The following RCAN1 variants were observed in gnomAD, a reference collection of about 807,000 sequenced individuals.
RCAN1 encodes calcipressin-1.
RCAN1 carries 11 observed loss-of-function variants against 22.9 expected under a neutral mutation model. The ratio of observed to expected loss-of-function variants is 0.48; its 90% CI spans 0.30 to 0.79. RCAN1 has a LOEUF of 0.79. RCAN1 is among the 30% of genes least tolerant of loss of function. RCAN1 has a pLI of 0.06. For missense variants in RCAN1, 291 were observed against 337.8 expected, an observed-to-expected ratio of 0.86 and a Z score of 1.09; for synonymous variants, 136 against 142.3, an observed-to-expected ratio of 0.96 and a Z score of 0.32.
Position 34,614,395 on chromosome 21 carries a change from T to G in RCAN1, c.252+365A>C. The G allele has an allele frequency of 8.0e-6, 8 of 996,174 alleles. No individual in the cohort carries two copies. Among genetic ancestry groups the G allele is most frequent in the Non-Finnish European group, 9.6e-6 (8 of 837,136 alleles). 61.7% of individuals were successfully genotyped at this position (996,174 alleles called of 1,614,324 possible). A position where few individuals can be genotyped will look rare whatever the true frequency, so the allele number is the denominator to read the frequency against. ...TGTTTCCTCCTCCCTAGGAATGAGGTGACCCCCTCCTCCAGCGAGTAAATG... is the reference window on the plus strand; with the variant it reads ...TGTTTCCTCCTCCCTAGGAATGAGGGGACCCCCTCCTCCAGCGAGTAAATG... On this transcript the variant is annotated intron_variant, in intron 1 of 3. Coordinates refer to ENST00000313806, the MANE Select transcript of RCAN1 (RefSeq NM_004414.7). This position sits in a 1 kb window ranked among gnomAD's most constrained non-coding sequence, Gnocchi z 6.0.
In RCAN1 at chr21:34,609,139, G is replaced by T. The variant is rs74773714; in HGVS notation, c.252+5621C>A. On this transcript the variant is annotated intron_variant, in intron 1 of 3. Transcript: ENST00000313806. ...GTTAAGGTAATTAATATTCTCCTGA[G>T]GTTACACTTTGAAAATGTTTCTGTT... 4.8e-3 allele frequency among the ~76,000 whole-genome samples: 731 copies of T among 152,286 alleles called. 24 individuals are homozygous for T. In the East Asian group the frequency reaches 0.078, roughly 16 times the overall value.
At chr21:34,555,558 C>T (rs1601169272) in intron 1 of RCAN1, among the ~76,000 whole-genome samples, 2 of 142,830 alleles carry the variant, frequency 1.4e-5, no homozygotes, top group Admixed American at 1.4e-4. Context: ...GGCGACAGAG[C>T]AAGGCTGTGT....
chr21:34,576,152 A>G (rs1601191573), intron 1 of RCAN1, among the ~76,000 whole-genome samples: 1 of 152,364 alleles, frequency 6.6e-6, no homozygotes, highest in African/African-American at 2.4e-5. Flanking sequence ...TCCCTAAGGA[A>G]CCACCCAGTG....
At chr21:34,566,428 C>A (rs11911351) in intron 1 of RCAN1, among the ~76,000 whole-genome samples, 35,051 of 152,018 alleles carry the variant, frequency 0.23, 4,781 homozygotes, top group African/African-American at 0.38. Context: ...TCCTTGAAAA[C>A]AAATGTGGTC....
At chr21:34,527,917 G>T (rs1985167433) in intron 1 of RCAN1, among the ~76,000 whole-genome samples, 1 of 151,946 alleles carries the variant, frequency 6.6e-6, no homozygotes, top group Admixed American at 6.5e-5. Flanking sequence ...AATTGAAAGG[G>T]AAGATGCAGG....
chr21:34,518,009 C>A lies in RCAN1; in HGVS notation c.*75G>T. The A allele has an allele frequency of 6.4e-7, 1 of 1,564,680 alleles. No individual in the cohort carries two copies. Among genetic ancestry groups the A allele is most frequent in the South Asian group, 1.2e-5 (1 of 84,442 alleles). ...TCTCGGCTGCCACCTCCGAAGAAGTCGTGACCAGCCACCTCCACAGTAAAA... is the reference window on the plus strand; with the variant it reads ...TCTCGGCTGCCACCTCCGAAGAAGTAGTGACCAGCCACCTCCACAGTAAAA... On this transcript the variant is annotated 3_prime_UTR_variant, in exon 4 of 4. Transcript: ENST00000313806. The surrounding 1 kb of genome is among the most constrained non-coding windows in gnomAD (Gnocchi z 4.2).
At chr21:34,562,995 A>G (rs895938874) in intron 1 of RCAN1, among the ~76,000 whole-genome samples, 1 of 152,344 alleles carries the variant, frequency 6.6e-6, no homozygotes. Context: ...TTTGACACAC[A>G]GAACAGGGAC....
At chr21:34,542,126 T>C (rs955286860) in intron 1 of RCAN1, among the ~76,000 whole-genome samples, 1 of 152,030 alleles carries the variant, frequency 6.6e-6, no homozygotes, top group African/African-American at 2.4e-5. Flanking sequence ...TGTGGTGGGA[T>C]GTCATAGGTA....
rs549676492 is a variant in RCAN1 at position 34,579,494 on chromosome 21, T to C, written c.252+35266A>G. Among the ~76,000 whole-genome samples, 4 of 152,336 alleles carry C rather than the reference T, an allele frequency of 2.6e-5. No individual in the cohort carries two copies. In the East Asian group the frequency reaches 7.7e-4, roughly 29 times the overall value. Reference sequence around the variant, plus strand: ...GCATCTGAATTTTTAATAAGCTCTATAGGTGATTCTGATAAACAGCTAGAT... The same window carrying C: ...GCATCTGAATTTTTAATAAGCTCTACAGGTGATTCTGATAAACAGCTAGAT... On this transcript the variant is annotated intron_variant, in intron 1 of 3. Coordinates refer to ENST00000313806, the MANE Select transcript of RCAN1 (RefSeq NM_004414.7).
At position 34,563,311 on chromosome 21, in the gene RCAN1, C is replaced by T. The variant is rs533193853; in HGVS notation, c.253-39601G>A. 1.1e-4 allele frequency among the ~76,000 whole-genome samples: 17 copies of T among 152,248 alleles called. No individual in the cohort carries two copies. The South Asian group carries it at 3.5e-3, about 32-fold the overall frequency. ...AAGTAATCCAACCTTTCTGGAAAACCATTTGACAAAATGCAATCATATTTA... is the reference window on the plus strand; with the variant it reads ...AAGTAATCCAACCTTTCTGGAAAACTATTTGACAAAATGCAATCATATTTA... On this transcript the variant is annotated intron_variant, in intron 1 of 3. Transcript: ENST00000313806.
At position 34,614,825 on chromosome 21, in the gene RCAN1, C is replaced by A; in HGVS notation, c.187G>T (p.Asp63Tyr). ...CAGGCGATGGTGGCGCTGGGCAGGT[C>A]CTGCAGGTCCACCTCCTCCATCTCG... Reference protein sequence around the residue: ...DCEMEEVDLQDLPSATIACHL... With the variant: ...DCEMEEVDLQYLPSATIACHL... Residue 63 changes from aspartate (D) to tyrosine (Y), a missense_variant, in exon 1 of 4, where the codon GAC becomes TAC. Physicochemically the swap from Asp to Tyr is radical, Grantham distance 160 (BLOSUM62 -3). Transcript: ENST00000313806. The surrounding 1 kb of genome is among the most constrained non-coding windows in gnomAD (Gnocchi z 6.0). 1 of 1,491,624 alleles carries A rather than the reference C, an allele frequency of 6.7e-7. No individual in the cohort carries two copies. The allele number at this position is 1,491,624 out of a possible 1,614,324, so 92.4% of individuals were successfully genotyped here.
chr21:34,596,338 C>T lies in RCAN1; in HGVS notation c.252+18422G>A, dbSNP rs375322340. ...TTCCCTCCTGCTTCTTTTGAATGAACGACTGGGAGGGAAGGCTGAGGAGAC... is the reference window on the plus strand; with the variant it reads ...TTCCCTCCTGCTTCTTTTGAATGAATGACTGGGAGGGAAGGCTGAGGAGAC... On this transcript the variant is annotated intron_variant, in intron 1 of 3. Transcript: ENST00000313806. 1.1e-4 allele frequency among the ~76,000 whole-genome samples: 16 copies of T among 152,236 alleles called. No homozygotes were observed. In the South Asian group the frequency reaches 2.9e-3, roughly 28 times the overall value.
chr21:34,598,751 T>C (rs1423278620), intron 1 of RCAN1, among the ~76,000 whole-genome samples: 1 of 152,168 alleles, frequency 6.6e-6, no homozygotes, highest in East Asian at 1.9e-4. Flanking sequence ...ATCTGTAATA[T>C]GTGCAGTAAG....
intron 1 of RCAN1, among the ~76,000 whole-genome samples, chr21:34,601,334 G>A (rs1988332622): frequency 6.6e-6 from 1 of 152,174 alleles, no homozygotes. Flanking sequence ...CCAGGAGGTA[G>A]GAGCTTTTAT....
At chr21:34,538,941 C>T (rs1601152314) in intron 1 of RCAN1, among the ~76,000 whole-genome samples, 1 of 152,342 alleles carries the variant, frequency 6.6e-6, no homozygotes, top group South Asian at 2.1e-4. Flanking sequence ...TCCAGACTTG[C>T]ACCCTAAGTT....
chr21:34,553,470 C>T (rs1986446126), intron 1 of RCAN1, among the ~76,000 whole-genome samples: 1 of 152,212 alleles, frequency 6.6e-6, no homozygotes, highest in African/African-American at 2.4e-5. Flanking sequence ...GCCACTGAAA[C>T]CTTTTTTCTG....
chr21:34,549,228 C>T (rs1298104134), intron 1 of RCAN1, among the ~76,000 whole-genome samples: 1 of 152,128 alleles, frequency 6.6e-6, no homozygotes, highest in East Asian at 1.9e-4. Context: ...CAGTGGCCCT[C>T]GAAGGCACCA....
intron 1 of RCAN1, among the ~76,000 whole-genome samples, chr21:34,592,103 G>C (rs1987993079): frequency 6.6e-6 from 1 of 152,202 alleles, no homozygotes; most frequent in African/African-American, 2.4e-5. Flanking sequence ...CCCTGTGCTT[G>C]GGCTTAGACA....
intron 1 of RCAN1, among the ~76,000 whole-genome samples, chr21:34,532,430 C>T (rs1985442253): frequency 6.6e-6 from 1 of 152,250 alleles, no homozygotes; most frequent in Admixed American, 6.5e-5. Context: ...CGTCTGTCTC[C>T]AGCACCGTGC....
Sources: allele counts gnomAD v4.1 joint callset (sites outside exome capture counted in the v4.1 genomes callset), GRCh38; gene constraint gnomAD v4.1.1; non-coding constraint Gnocchi (gnomAD v3.1); transcripts MANE v1.5; gene names NCBI Gene and HGNC (gene_info 2026-07-23, HGNC 2026-07-21).